Variants in POLR1A observed in about 807,000 individuals in gnomAD.
The protein encoded by POLR1A is DNA-directed RNA polymerase I subunit RPA1.
POLR1A carries 84 observed loss-of-function variants against 205.3 expected under a neutral mutation model. The ratio of observed to expected loss-of-function variants is 0.41; its 90% CI spans 0.34 to 0.49. The LOEUF is 0.49. POLR1A is among the 20% of genes least tolerant of loss of function. POLR1A has a pLI of 0.22. For synonymous variants in POLR1A, 799 were observed against 863.7 expected (o/e 0.93, Z 1.31); for missense variants, 1,645 against 2,204.5 (o/e 0.75, Z 5.08).
In POLR1A at chr2:86,081,710, C is replaced by A. The variant is rs777720722; in HGVS notation, c.818-4G>T. On this transcript the variant is annotated splice_region_variant and splice_polypyrimidine_tract_variant and intron_variant, in intron 7 of 33. Transcript: ENST00000263857. ...AAAAGGTAGTTCAGAAAGAATCCTGCGTTGGAAAGAAATAAACCAAGAAGA... is the reference window on the plus strand; with the variant it reads ...AAAAGGTAGTTCAGAAAGAATCCTGAGTTGGAAAGAAATAAACCAAGAAGA... The A allele has an allele frequency of 6.4e-7, 1 of 1,573,950 alleles. No homozygotes were observed. Among genetic ancestry groups the A allele is most frequent in the Admixed American group, 1.7e-5 (1 of 57,614 alleles).
In POLR1A at chr2:86,054,157, A is replaced by T. The variant is rs1178337142; in HGVS notation, c.2191T>A (p.Ser731Thr). The T allele has an allele frequency of 6.2e-7, 1 of 1,613,982 alleles. No individual in the cohort carries two copies. The highest frequency in any genetic ancestry group is 8.5e-7 in the Non-Finnish European group (1 of 1,179,854). ...PRSVPGFNPD[S>T]MCESQVIIRE... Reference sequence around the variant, plus strand: ...AGCCATACCTGGGACTCGCACATCGAGTCAGGGTTAAAGCCAGGAACGGAT... The same window carrying T: ...AGCCATACCTGGGACTCGCACATCGTGTCAGGGTTAAAGCCAGGAACGGAT... Residue 731 changes from serine (S) to threonine (T), a missense_variant, in exon 15 of 34, where the codon TCG becomes ACG. By Grantham distance (58) the Ser-to-Thr change is moderately conservative. Around this residue, in one of 16 missense-constraint regions of POLR1A, gnomAD observed 339 missense variants for 415.1 expected, o/e 0.82. Transcript: ENST00000263857.
At chr2:86,060,005 T>C (rs1020991544) in intron 14 of POLR1A, among the ~76,000 whole-genome samples, 1 of 152,224 alleles carries the variant, frequency 6.6e-6, no homozygotes, top group Non-Finnish European at 1.5e-5. Context: ...AGAGATCTAA[T>C]AACTGAATTC....
intron 8 of POLR1A, 41 bp downstream of exon 8, chr2:86,081,560 C>T (rs185250998): frequency 1.8e-5 from 23 of 1,290,356 alleles, no homozygotes; most frequent in African/African-American, 4.5e-5. Context: ...TTCCTTAGTA[C>T]GCTTTTTTTC....
chr2:86,040,518 C>A lies in POLR1A; in HGVS notation c.3614G>T (p.Cys1205Phe). The change falls in exon 25 of 34, where the codon TGT (cysteine) becomes TTT (phenylalanine). Residue 1205 changes from cysteine to phenylalanine, a missense_variant. By Grantham distance (205) the Cys-to-Phe change is radical (BLOSUM62 -2). This residue lies in a region of POLR1A where 201 missense variants were observed against 222.3 expected (regional missense o/e 0.90). Transcript: ENST00000263857. ...CAGGCCCACAGCCTCGCCCGGCTCACACAGTGAGCGCTGCCACTTCAGCTG... is the reference window on the plus strand; with the variant it reads ...CAGGCCCACAGCCTCGCCCGGCTCAAACAGTGAGCGCTGCCACTTCAGCTG... ...LLQLKWQRSL[C>F]EPGEAVGLLA... 6.2e-7 allele frequency: 1 copy of A among 1,606,870 alleles called. No homozygotes were observed. Among genetic ancestry groups the A allele is most frequent in the Non-Finnish European group, 8.5e-7 (1 of 1,176,564 alleles).
chr2:86,051,111 A>C (rs1007901415), intron 16 of POLR1A, among the ~76,000 whole-genome samples: 3 of 152,240 alleles, frequency 2.0e-5, no homozygotes, highest in Non-Finnish European at 2.9e-5. Context: ...CAATATATCC[A>C]TAAGAATGGA....
At chr2:86,053,029 G>A (rs558212597) in intron 15 of POLR1A, 29 bp from the exon 16 acceptor site, 2 of 1,515,186 alleles carry the variant, frequency 1.3e-6, no homozygotes, top group Non-Finnish European at 1.8e-6. Context: ...CCAATGCCGG[G>A]CTGCGGGTGA....
chr2:86,052,491 C>T (rs1461074171), intron 16 of POLR1A, among the ~76,000 whole-genome samples: 3 of 152,174 alleles, frequency 2.0e-5, no homozygotes, highest in Non-Finnish European at 4.4e-5. Flanking sequence ...CAAGTGAGGG[C>T]GCCTTTGTAG....
At chr2:86,086,319 C>T (rs552055992) in intron 6 of POLR1A, among the ~76,000 whole-genome samples, 20 of 152,322 alleles carry the variant, frequency 1.3e-4, no homozygotes, top group Non-Finnish European at 2.1e-4. Flanking sequence ...CTCCTGACTT[C>T]AGATGATCCG....
chr2:86,088,747 A>C, intron 5 of POLR1A, 38 bp downstream of exon 5: 1 of 1,597,340 alleles, frequency 6.3e-7, no homozygotes, highest in Non-Finnish European at 8.6e-7. Flanking sequence ...GTGACTGCCC[A>C]GAGACGTCTC....
At position 86,023,331 on chromosome 2, in the gene POLR1A, T is replaced by A. The variant is rs1423801681; in HGVS notation, c.*4092A>T. The A allele has an allele frequency of 6.6e-6, 1 of 152,220 alleles. No individual in the cohort carries two copies. The highest frequency in any genetic ancestry group is 1.9e-4 in the East Asian group (1 of 5,194). 9.4% of individuals were successfully genotyped at this position (152,220 alleles called of 1,614,324 possible). On this transcript the variant is annotated 3_prime_UTR_variant, in exon 34 of 34. Transcript: ENST00000263857. ...CTGCAGAGGTGGTATCACTCAACGA[T>A]GAAAGACTCAACGAACCAGCCTTTA... is the stretch of plus-strand genomic sequence containing the variant.
In POLR1A at chr2:86,098,614, G is replaced by A. The variant is rs376131929; in HGVS notation, c.429C>T (p.Asn143=). ...QAVYELERIL[N]RFLEENPDPS... is the part of the protein sequence containing the mutation. ...GTGACCACCACTACCCACCTACCCT[G>A]TTCAGAATTCTCTCAAGCTCGTAGA... The change falls in exon 3 of 34, where the codon AAC becomes AAT. Residue 143 remains asparagine (N), a synonymous_variant. Coordinates refer to ENST00000263857, the MANE Select transcript of POLR1A (RefSeq NM_015425.6). 26 of 1,613,234 alleles carry A rather than the reference G, an allele frequency of 1.6e-5. No homozygotes were observed. The African/African-American group carries it at 2.3e-4, about 14-fold the overall frequency.
At position 86,027,110 on chromosome 2, in the gene POLR1A, G is replaced by C. The variant is rs558986559; in HGVS notation, c.*313C>G. The C allele has an allele frequency of 6.0e-4, 246 of 411,250 alleles. No individual in the cohort carries two copies. The highest frequency in any genetic ancestry group is 3.6e-3 in the African/African-American group (184 of 50,478). 25.5% of individuals were successfully genotyped at this position (411,250 alleles called of 1,614,324 possible). ...TCGTGAATCAGGACTTCTCCTTAGG[G>C]GTTATGCCACAGAGGCCTCCTGCAG... is the stretch of plus-strand genomic sequence containing the variant. On this transcript the variant is annotated 3_prime_UTR_variant, in exon 34 of 34. Coordinates refer to ENST00000263857, the MANE Select transcript of POLR1A (RefSeq NM_015425.6).
intron 11 of POLR1A, 62 bp downstream of exon 11, chr2:86,077,797 C>G (rs1279206061): frequency 1.3e-6 from 2 of 1,561,962 alleles, no homozygotes; most frequent in Non-Finnish European, 1.7e-6. Context: ...CAAATGAGCC[C>G]TGCACGCGCG....
Position 86,081,685 on chromosome 2 carries a change from A to G in POLR1A, c.839T>C (p.Phe280Ser), listed in dbSNP as rs1399588862. 1 of 1,611,108 alleles carries G rather than the reference A, an allele frequency of 6.2e-7. No homozygotes were observed. Among genetic ancestry groups the G allele is most frequent in the Non-Finnish European group, 8.5e-7 (1 of 1,178,052 alleles). ...CATACCATCATCATCCATTCCCGAA[A>G]AAAGGTAGTTCAGAAAGAATCCTGC... ...KNEGFFLNYL[F>S]SGMDDDGMES... is the part of the protein sequence containing the mutation. The change falls in exon 8 of 34, where the codon TTT (phenylalanine) becomes TCT (serine). Residue 280 changes from phenylalanine to serine, a missense_variant. Around this residue, in one of 16 missense-constraint regions of POLR1A, gnomAD observed 330 missense variants for 375.6 expected, o/e 0.88. Coordinates refer to ENST00000263857, the MANE Select transcript of POLR1A (RefSeq NM_015425.6).
rs751088681 is a variant in POLR1A at position 86,023,140 on chromosome 2, G to T, written c.*4283C>A. On this transcript the variant is annotated 3_prime_UTR_variant, in exon 34 of 34. Transcript: ENST00000263857. Reference sequence around the variant, plus strand: ...GACGGAAGTGGGGTGGAGGTTGATGGTGTAGGAACTTTGGAATTTTTGACT... The same window carrying T: ...GACGGAAGTGGGGTGGAGGTTGATGTTGTAGGAACTTTGGAATTTTTGACT... 1 of 152,240 alleles carries T rather than the reference G, an allele frequency of 6.6e-6. No individual in the cohort carries two copies. Among genetic ancestry groups the T allele is most frequent in the Admixed American group, 6.5e-5 (1 of 15,282 alleles). 9.4% of individuals were successfully genotyped at this position (152,240 alleles called of 1,614,324 possible).
rs1377510585 is a variant in POLR1A at position 86,023,623 on chromosome 2, G to A, written c.*3800C>T. 3 of 152,138 alleles carry A rather than the reference G, an allele frequency of 2.0e-5. No homozygotes were observed. The highest frequency in any genetic ancestry group is 4.8e-5 in the African/African-American group (2 of 41,426). The allele number at this position is 152,138 out of a possible 1,614,324, so 9.4% of individuals were successfully genotyped here. Reference sequence around the variant, plus strand: ...ATTGAAATTGTTGTACACCGTTGGTGGGAACATAAAATGGTGTAGCTGCTG... The same window carrying A: ...ATTGAAATTGTTGTACACCGTTGGTAGGAACATAAAATGGTGTAGCTGCTG... On this transcript the variant is annotated 3_prime_UTR_variant, in exon 34 of 34. Coordinates refer to ENST00000263857, the MANE Select transcript of POLR1A (RefSeq NM_015425.6).
At chr2:86,079,035 C>T (rs1382607726) in intron 9 of POLR1A, among the ~76,000 whole-genome samples, 1 of 152,076 alleles carries the variant, frequency 6.6e-6, no homozygotes, top group East Asian at 1.9e-4. Flanking sequence ...CAGATGGTCC[C>T]ACGTCTTCCA....
chr2:86,080,947 T>C lies in POLR1A; in HGVS notation c.955A>G (p.Met319Val). 6.2e-7 allele frequency: 1 copy of C among 1,613,866 alleles called. No homozygotes were observed. The highest frequency in any genetic ancestry group is 8.5e-7 in the Non-Finnish European group (1 of 1,179,858). Residue 319 changes from methionine to valine, a missense_variant, in exon 9 of 34, where the codon ATG becomes GTG. By Grantham distance (21) the Met-to-Val change is conservative. Coordinates refer to ENST00000263857, the MANE Select transcript of POLR1A (RefSeq NM_015425.6). The stretch of plus-strand genomic sequence containing the variant: ...TTCACCGTCTGGCCATTAGTAAACA[T>C]CTGGTCTCCTAGGCGACTGACTGGG... Reference protein sequence around the residue: ...YRPVSRLGDQMFTNGQTVNLQ... With the variant: ...YRPVSRLGDQVFTNGQTVNLQ...
At chr2:86,032,147 G>A (rs1282600746) in intron 29 of POLR1A, 125 bp downstream of exon 29, 4 of 707,260 alleles carry the variant, frequency 5.7e-6, no homozygotes, top group Non-Finnish European at 7.7e-6. Context: ...GGCAGGTGCT[G>A]CTTCAGGGTT....
Sources: gnomAD v4.1 joint callset for allele counts (sites outside exome capture counted in the v4.1 genomes callset) on GRCh38, gnomAD v4.1.1 for gene constraint, gnomAD v4.1.1 regional missense constraint, MANE v1.5 for transcripts, NCBI Gene and HGNC (gene_info 2026-07-23, HGNC 2026-07-21) for gene names.